PPFIA2: variants seen among roughly 807,000 people sequenced by gnomAD.
PPFIA2 encodes the protein PPFI scaffold protein A2, also known as liprin-alpha-2.
PPFIA2 carries 46 observed loss-of-function variants against 175.5 expected under a neutral mutation model. The observed-to-expected ratio is 0.26, with a 90% CI of 0.21 to 0.34. The LOEUF (loss-of-function observed/expected upper bound fraction) is 0.34, where lower values mean the gene tolerates loss of function less well. PPFIA2 is among the 10% of genes least tolerant of loss of function. The pLI is 1.00. For synonymous variants in PPFIA2, 568 were observed against 511.4 expected (o/e 1.11, Z -1.49); for missense variants, 1,179 against 1,506.1 (o/e 0.78, Z 3.60).
intron 8 of PPFIA2, among the ~76,000 whole-genome samples, chr12:81,396,000 A>G (rs543937703): frequency 9.2e-5 from 14 of 152,196 alleles, no homozygotes; most frequent in Non-Finnish European, 1.8e-4. Context: ...CTTTTTTCAC[A>G]TTAATCTGCC....
intron 22 of PPFIA2, among the ~76,000 whole-genome samples, chr12:81,319,742 G>A (rs890648202): frequency 6.6e-6 from 1 of 151,846 alleles, no homozygotes; most frequent in Admixed American, 6.6e-5. Context: ...TGACAAGACT[G>A]GGAAAATCTC....
chr12:81,485,439 C>T (rs2058708944), intron 4 of PPFIA2, among the ~76,000 whole-genome samples: 1 of 151,666 alleles, frequency 6.6e-6, no homozygotes, highest in African/African-American at 2.4e-5. Flanking sequence ...TGTGTCACTT[C>T]CAATATATTT....
chr12:81,464,335 C>G lies in PPFIA2; in HGVS notation c.304-6469G>C, dbSNP rs76095514. Reference sequence around the variant, plus strand: ...TAGCAGTGTTATTATTCACAGAACACAGATGAGAAAAGTAGAAGAGATTGT... The same window carrying G: ...TAGCAGTGTTATTATTCACAGAACAGAGATGAGAAAAGTAGAAGAGATTGT... On this transcript the variant is annotated intron_variant, in intron 4 of 32. Transcript: ENST00000549396. 1.6e-3 allele frequency among the ~76,000 whole-genome samples: 240 copies of G among 152,252 alleles called. 3 individuals carry two copies. In the East Asian group the frequency reaches 0.028, roughly 17 times the overall value.
At position 81,416,330 on chromosome 12, in the gene PPFIA2, G is replaced by A. The variant is rs10459214; in HGVS notation, c.646-10427C>T. ...ACTCAATTTAGAATATATATAAGCA[G>A]ATAAATAAGGAAGGGTAGAGAGTAT... On this transcript the variant is annotated intron_variant, in intron 7 of 32. Transcript: ENST00000549396. Among the ~76,000 whole-genome samples, 9 of 151,628 alleles carry A rather than the reference G, an allele frequency of 5.9e-5. No homozygotes were observed. In the East Asian group the frequency reaches 1.7e-3, roughly 29 times the overall value.
At chr12:81,283,083 A>G (rs1422713406) in intron 25 of PPFIA2, 44 bp from the exon 26 acceptor site, 1 of 1,588,784 alleles carries the variant, frequency 6.3e-7, no homozygotes, top group South Asian at 1.1e-5. Context: ...GGTAAATATA[A>G]ATTAATTTCA....
At chr12:81,456,200 C>T (rs961140308) in intron 5 of PPFIA2, among the ~76,000 whole-genome samples, 7 of 151,602 alleles carry the variant, frequency 4.6e-5, no homozygotes, top group East Asian at 3.9e-4. Context: ...TAAATTTGCA[C>T]GAAAACACAG....
At chr12:81,661,390 T>G (rs890628872) in intron 4 of PPFIA2, among the ~76,000 whole-genome samples, 6 of 151,918 alleles carry the variant, frequency 3.9e-5, no homozygotes, top group Admixed American at 2.6e-4. Context: ...AAAGGCAGGG[T>G]TTGCAATCCT....
intron 3 of PPFIA2, among the ~76,000 whole-genome samples, chr12:81,751,134 TAAAA>T (rs879508558): frequency 6.7e-6 from 1 of 148,476 alleles, no homozygotes; most frequent in Non-Finnish European, 1.5e-5. Flanking sequence ...ACACTTTCTT[TAAAA>T]AAAAAAGATG....
At chr12:81,428,528 A>G (rs2144318967) in intron 7 of PPFIA2, among the ~76,000 whole-genome samples, 1 of 152,116 alleles carries the variant, frequency 6.6e-6, no homozygotes, top group East Asian at 1.9e-4. Context: ...ACAGCAAAAG[A>G]TACATTTTCT....
intron 4 of PPFIA2, among the ~76,000 whole-genome samples, chr12:81,587,568 T>C (rs1334903850): frequency 6.6e-6 from 1 of 152,034 alleles, no homozygotes; most frequent in African/African-American, 2.4e-5. Flanking sequence ...TTGTTATTTG[T>C]AAAGTATTTT....
chr12:81,500,729 C>T (rs1408960534), intron 4 of PPFIA2, among the ~76,000 whole-genome samples: 2 of 152,162 alleles, frequency 1.3e-5, no homozygotes, highest in Non-Finnish European at 2.9e-5. Flanking sequence ...GTTTCCGTTT[C>T]AAAAAGTCAT....
intron 4 of PPFIA2, among the ~76,000 whole-genome samples, chr12:81,530,590 G>A (rs868823660): frequency 9.5e-4 from 145 of 151,892 alleles, no homozygotes; most frequent in South Asian, 1.0e-3. Context: ...GGAATGAACA[G>A]AAAAACCACT....
Position 81,353,230 on chromosome 12 carries a change from C to G in PPFIA2, c.1883G>C (p.Arg628Thr), listed in dbSNP as rs1324784447. 6.2e-7 allele frequency: 1 copy of G among 1,613,706 alleles called. No individual in the cohort carries two copies. The highest frequency in any genetic ancestry group is 8.5e-7 in the Non-Finnish European group (1 of 1,179,806). ...ATCCATTGAGCTAAAAATTGTTTCT[C>G]TGTCATCATCATCAATATCAGACAT... The part of the protein sequence containing the change: ...TEMSDIDDDD[R>T]ETIFSSMDLL... The change falls in exon 17 of 33, where the codon AGA becomes ACA. Residue 628 changes from arginine (R) to threonine (T), a missense_variant. Physicochemically the swap from Arg to Thr is moderately conservative, Grantham distance 71. Transcript: ENST00000549396.
intron 4 of PPFIA2, among the ~76,000 whole-genome samples, chr12:81,587,038 G>A (rs900752563): frequency 9.9e-5 from 15 of 151,774 alleles, no homozygotes; most frequent in African/African-American, 3.6e-4. Context: ...CAATGGTTTA[G>A]GAAAGTAAAA....
chr12:81,603,827 A>C (rs2060026614), intron 4 of PPFIA2, among the ~76,000 whole-genome samples: 2 of 3,888 alleles, frequency 5.1e-4, no homozygotes, highest in African/African-American at 1.2e-3. Flanking sequence ...ATTCTGACTA[A>C]AAAAAAAAAA....
intron 7 of PPFIA2, among the ~76,000 whole-genome samples, chr12:81,422,090 ATATATATGTGTGTATATATATGTG>A (rs2046346996): frequency 7.1e-6 from 1 of 140,994 alleles, no homozygotes; most frequent in African/African-American, 2.8e-5. Context: ...ATATATGTGT[ATATATATGTGTGTATATATATGTG>A]TATATATATG....
At position 81,347,610 on chromosome 12, in the gene PPFIA2, G is replaced by C. The variant is rs1325796488; in HGVS notation, c.2155C>G (p.Pro719Ala). The C allele has an allele frequency of 7.4e-6, 12 of 1,613,640 alleles. No homozygotes were observed. Among genetic ancestry groups the C allele is most frequent in the Non-Finnish European group, 1.0e-5 (12 of 1,179,766 alleles). Residue 719 changes from proline to alanine, a missense_variant, in exon 18 of 33, where the codon CCC becomes GCC. Transcript: ENST00000549396. ...AGCTTTGGAGTTGAGTGTCCACTGGGGGGAGATGAACTGGCCAGCGATGAA... is the reference window on the plus strand; with the variant it reads ...AGCTTTGGAGTTGAGTGTCCACTGGCGGGAGATGAACTGGCCAGCGATGAA... ...TASSLASSSPPSGHSTPKLTP... is the reference protein window; with the variant it reads ...TASSLASSSPASGHSTPKLTP...
At chr12:81,380,334 A>G (rs2037357565) in intron 9 of PPFIA2, among the ~76,000 whole-genome samples, 1 of 152,170 alleles carries the variant, frequency 6.6e-6, no homozygotes, top group Non-Finnish European at 1.5e-5. Flanking sequence ...ACTGCACTTC[A>G]GCCTGGACAA....
At chr12:81,293,084 C>A (rs2045475285) in intron 24 of PPFIA2, among the ~76,000 whole-genome samples, 1 of 151,504 alleles carries the variant, frequency 6.6e-6, no homozygotes, top group Non-Finnish European at 1.5e-5. Flanking sequence ...TACTTTTCTG[C>A]CTGAAAACTG....
Sources: gnomAD v4.1 joint callset for allele counts (sites outside exome capture counted in the v4.1 genomes callset) on GRCh38, gnomAD v4.1.1 for gene constraint, MANE v1.5 for transcripts, NCBI Gene and HGNC (gene_info 2026-07-23, HGNC 2026-07-21) for gene names.